The following LRCH1 variants were observed in gnomAD, a reference collection of about 807,000 sequenced individuals.
The protein encoded by LRCH1 is leucine-rich repeat and calponin homology domain-containing protein 1.
LRCH1 carries 23 observed loss-of-function variants against 94.9 expected under a neutral mutation model. The observed-to-expected ratio is 0.24, with a 90% CI of 0.17 to 0.34. The LOEUF (loss-of-function observed/expected upper bound fraction) is 0.34. Ranked by LOEUF, LRCH1 falls within the 10% of genes least tolerant of loss-of-function variation. The pLI, the probability that LRCH1 is intolerant of heterozygous loss-of-function variation, is 1.00. For synonymous variants in LRCH1, 364 were observed against 354.9 expected (o/e 1.03, Z -0.29); for missense variants, 790 against 945.9 (o/e 0.84, Z 2.16).
intron 9 of LRCH1, 152 bp downstream of exon 9, chr13:46,695,169 T>C (rs1871116071): frequency 2.3e-6 from 2 of 874,350 alleles, no homozygotes; most frequent in Non-Finnish European, 3.5e-6. Flanking sequence ...GCTCAGCGTG[T>C]CTATTTGCTG....
chr13:46,574,846 T>TG (rs1339747670), intron 1 of LRCH1, among the ~76,000 whole-genome samples: 77 of 138,402 alleles, frequency 5.6e-4, no homozygotes, highest in Non-Finnish European at 7.2e-4. Flanking sequence ...TTTTTTTTTT[T>TG]GGTGTATGGG....
intron 18 of LRCH1, among the ~76,000 whole-genome samples, chr13:46,750,036 T>C (rs566893540): frequency 6.6e-6 from 1 of 152,278 alleles, no homozygotes; most frequent in Non-Finnish European, 1.5e-5. Flanking sequence ...TCATAAACCA[T>C]GAAGAAAGGC....
intron 1 of LRCH1, among the ~76,000 whole-genome samples, chr13:46,605,372 C>A (rs937639516): frequency 1.2e-4 from 19 of 152,180 alleles, no homozygotes. Flanking sequence ...TTTACAGAAG[C>A]CTTGTGCCTT....
Position 46,742,268 on chromosome 13 carries a change from T to C in LRCH1, c.*420T>C, listed in dbSNP as rs1352233662. ...GGTCAGTATTGAACTAGAATTCTAA[T>C]TCGGGACTGGGCAATTGAGCTGTAT... On this transcript the variant is annotated 3_prime_UTR_variant, in exon 20 of 20. Transcript: ENST00000389797. 2 of 1,050,766 alleles carry C rather than the reference T, an allele frequency of 1.9e-6. No homozygotes were observed. The highest frequency in any genetic ancestry group is 2.3e-6 in the Non-Finnish European group (2 of 869,960). 65.1% of individuals were successfully genotyped at this position (1,050,766 alleles called of 1,614,324 possible).
chr13:46,740,582 A>G (rs994712861), intron 19 of LRCH1, among the ~76,000 whole-genome samples: 1 of 152,264 alleles, frequency 6.6e-6, no homozygotes, highest in African/African-American at 2.4e-5. Context: ...TATACATAAC[A>G]TATATCTTAA....
chr13:46,567,619 G>A (rs1358773117), intron 1 of LRCH1, among the ~76,000 whole-genome samples: 1 of 151,736 alleles, frequency 6.6e-6, no homozygotes, highest in Admixed American at 6.6e-5. Flanking sequence ...TCAACTCTTA[G>A]CTGTGGTTTG....
chr13:46,596,764 A>G (rs567297699), intron 1 of LRCH1, among the ~76,000 whole-genome samples: 1 of 152,358 alleles, frequency 6.6e-6, no homozygotes, highest in East Asian at 1.9e-4. Context: ...AAAGTTACGC[A>G]GGTGGTAGAT....
intron 9 of LRCH1, among the ~76,000 whole-genome samples, chr13:46,696,447 G>A (rs1871194316): frequency 6.6e-6 from 1 of 152,174 alleles, no homozygotes; most frequent in South Asian, 2.1e-4. Context: ...AATGTGTTAA[G>A]AAGATATCAA....
chr13:46,741,510 C>T (rs1391809301), intron 19 of LRCH1, 132 bp from the exon 20 acceptor site: 2 of 988,698 alleles, frequency 2.0e-6, no homozygotes, highest in Non-Finnish European at 1.6e-6. Flanking sequence ...AGGGTCTTAC[C>T]TGCTTGAAAT....
At chr13:46,724,256 T>G (rs527279619) in intron 17 of LRCH1, among the ~76,000 whole-genome samples, 1 of 152,326 alleles carries the variant, frequency 6.6e-6, no homozygotes, top group Admixed American at 6.5e-5. Context: ...TTGCCCAGAC[T>G]AGAGTGCAAT....
At chr13:46,597,248 C>A (rs1358072009) in intron 1 of LRCH1, among the ~76,000 whole-genome samples, 1 of 152,138 alleles carries the variant, frequency 6.6e-6, no homozygotes, top group Non-Finnish European at 1.5e-5. Context: ...AAACGAGTGT[C>A]CTGGATGCAG....
At chr13:46,675,401 A>G (rs550499140) in intron 3 of LRCH1, among the ~76,000 whole-genome samples, 1 of 152,200 alleles carries the variant, frequency 6.6e-6, no homozygotes, top group South Asian at 2.1e-4. Context: ...TGTGAAAATC[A>G]TGTCTTCTAG....
chr13:46,670,095 G>C (rs774820248), intron 3 of LRCH1, among the ~76,000 whole-genome samples: 9 of 152,244 alleles, frequency 5.9e-5, no homozygotes, highest in Non-Finnish European at 1.2e-4. Flanking sequence ...TCTTTAGTGG[G>C]ATTGGGCTAG....
intron 1 of LRCH1, among the ~76,000 whole-genome samples, chr13:46,624,469 G>C (rs1481784820): frequency 6.6e-6 from 1 of 152,114 alleles, no homozygotes; most frequent in African/African-American, 2.4e-5. Flanking sequence ...ATTAAGACGG[G>C]GCTATTGCAT....
intron 1 of LRCH1, among the ~76,000 whole-genome samples, chr13:46,621,902 T>C (rs887807826): frequency 1.3e-5 from 2 of 152,164 alleles, no homozygotes; most frequent in Non-Finnish European, 2.9e-5. Context: ...CTGCAGACAT[T>C]TATCTAGTCC....
chr13:46,706,700 G>A (rs1318194994), intron 13 of LRCH1, among the ~76,000 whole-genome samples: 1 of 151,960 alleles, frequency 6.6e-6, no homozygotes, highest in African/African-American at 2.4e-5. Flanking sequence ...TGAGATTACA[G>A]GTGGCTCACA....
chr13:46,750,730 C>T lies in LRCH1; in HGVS notation c.*80C>T, dbSNP rs1377426623. On this transcript the variant is annotated 3_prime_UTR_variant, in exon 19 of 19. Coordinates refer to the LRCH1 transcript ENST00000311191. ...CTCTGCTCCAGGCACCTGTTCAACC[C>T]TCTCTCCCACCCACTGCCTGTCACT... 5.5e-6 allele frequency: 5 copies of T among 906,640 alleles called. No homozygotes were observed. In the South Asian group the frequency reaches 6.3e-5, roughly 11 times the overall value. The allele number at this position is 906,640 out of a possible 1,614,324, so 56.2% of individuals were successfully genotyped here. A position where few individuals can be genotyped will look rare whatever the true frequency, so the allele number is the denominator to read the frequency against.
chr13:46,662,624 T>C (rs2051463794), intron 2 of LRCH1, among the ~76,000 whole-genome samples: 1 of 152,224 alleles, frequency 6.6e-6, no homozygotes, highest in Admixed American at 6.5e-5. Flanking sequence ...ATAATTAAGA[T>C]AGAGCTAGTT....
intron 2 of LRCH1, among the ~76,000 whole-genome samples, chr13:46,654,972 A>G (rs1244464130): frequency 6.6e-6 from 1 of 152,202 alleles, no homozygotes; most frequent in African/African-American, 2.4e-5. Flanking sequence ...CTCTCAATAA[A>G]TTGCATGTAG....
Sources: gnomAD v4.1 joint callset for allele counts (sites outside exome capture counted in the v4.1 genomes callset) on GRCh38, gnomAD v4.1.1 for gene constraint, MANE v1.5 for transcripts, NCBI Gene and HGNC (gene_info 2026-07-23, HGNC 2026-07-21) for gene names.